The following REEP1 variants were observed in gnomAD, a reference collection of about 807,000 sequenced individuals.
REEP1 encodes receptor accessory protein 1.
Under a neutral mutation model 40.3 loss-of-function variants are expected in REEP1, and 22 were observed. The ratio of observed to expected loss-of-function variants is 0.55; its 90% confidence interval spans 0.39 to 0.78. REEP1 has a LOEUF of 0.78. Ranked by LOEUF, REEP1 falls within the 30% of genes least tolerant of loss-of-function variation. REEP1 has a pLI of 0.00. For synonymous variants in REEP1, 116 were observed against 139.2 expected (o/e 0.83, Z 1.17); for missense variants, 280 against 361.1 (o/e 0.78, Z 1.82).
chr2:86,248,376 C>A (rs1676083860), intron 5 of REEP1, among the ~76,000 whole-genome samples: 1 of 152,134 alleles, frequency 6.6e-6, no homozygotes, highest in Non-Finnish European at 1.5e-5. Flanking sequence ...CAGGAGTCAC[C>A]TGATCATAAA....
Position 86,266,672 on chromosome 2 carries a change from T to C in REEP1, c.106-2631A>G, listed in dbSNP as rs1020805681. 9.9e-3 allele frequency among the ~76,000 whole-genome samples: 1,491 copies of C among 149,940 alleles called. 17 individuals are homozygous for C. The highest frequency in any genetic ancestry group is 0.033 in the African/African-American group (1,348 of 41,084). On this transcript the variant is annotated intron_variant, in intron 2 of 8. Coordinates refer to ENST00000538924, the MANE Select transcript of REEP1 (RefSeq NM_001371279.1). ...AAATAAAAAAAATAAAATAAATAAATAAATAAATAAAGATATACTACCAAA... is the reference window on the plus strand; with the variant it reads ...AAATAAAAAAAATAAAATAAATAAACAAATAAATAAAGATATACTACCAAA...
intron 1 of REEP1, among the ~76,000 whole-genome samples, chr2:86,316,223 G>A (rs1679999820): frequency 6.6e-6 from 1 of 152,080 alleles, no homozygotes; most frequent in Non-Finnish European, 1.5e-5. Flanking sequence ...AATTTTAACT[G>A]ATATACCTGC....
At chr2:86,220,150 T>G (rs7583021) in intron 7 of REEP1, 29 bp from the exon 8 acceptor site, 1,120,637 of 1,228,286 alleles carry the variant, frequency 0.91, 511,948 homozygotes, top group East Asian at 0.99. Context: ...TCTACACAGA[T>G]GAGACAAGGT....
chr2:86,237,890 T>A (rs1675446309), intron 5 of REEP1, among the ~76,000 whole-genome samples: 1 of 152,020 alleles, frequency 6.6e-6, no homozygotes, highest in Non-Finnish European at 1.5e-5. Context: ...TAAGAAGAAA[T>A]AAACATTCTG....
intron 1 of REEP1, among the ~76,000 whole-genome samples, chr2:86,292,528 A>G (rs1316432872): frequency 6.6e-6 from 1 of 152,074 alleles, no homozygotes; most frequent in Non-Finnish European, 1.5e-5. Flanking sequence ...TTCACTTACA[A>G]TGACTGTCCT....
chr2:86,323,483 C>G (rs1680360742), intron 1 of REEP1, among the ~76,000 whole-genome samples: 1 of 152,162 alleles, frequency 6.6e-6, no homozygotes. Context: ...CGCCTCCTGT[C>G]AGATCAGCAG....
At chr2:86,250,518 T>C (rs1165009952) in intron 5 of REEP1, among the ~76,000 whole-genome samples, 2 of 152,204 alleles carry the variant, frequency 1.3e-5, no homozygotes, top group South Asian at 2.1e-4. Context: ...TAAATCCTGA[T>C]TGATCTTGGG....
In REEP1 at chr2:86,297,373, C is replaced by T. The variant is rs575540305; in HGVS notation, c.33-15131G>A. 2.6e-5 allele frequency among the ~76,000 whole-genome samples: 4 copies of T among 152,340 alleles called. No individual in the cohort carries two copies. The South Asian group carries it at 8.3e-4, about 32-fold the overall frequency. On this transcript the variant is annotated intron_variant, in intron 1 of 8. Transcript: ENST00000538924. Reference sequence around the variant, plus strand: ...TTATCTCCTCTGCAAAATGTGGTGTCAAATGGGATAATATACGTTATGATA... The same window carrying T: ...TTATCTCCTCTGCAAAATGTGGTGTTAAATGGGATAATATACGTTATGATA...
At chr2:86,305,658 G>A (rs1679447773) in intron 1 of REEP1, among the ~76,000 whole-genome samples, 1 of 152,136 alleles carries the variant, frequency 6.6e-6, no homozygotes, top group African/African-American at 2.4e-5. Context: ...GTCCCCCACT[G>A]AAGACCCCTG....
intron 3 of REEP1, among the ~76,000 whole-genome samples, chr2:86,259,613 C>G (rs1676750715): frequency 1.3e-5 from 2 of 152,024 alleles, no homozygotes; most frequent in Admixed American, 6.5e-5. Context: ...GTCTCGAACT[C>G]CTGGCCTCAA....
intron 4 of REEP1, among the ~76,000 whole-genome samples, 161 bp downstream of exon 4, chr2:86,254,533 C>T (rs998948029): frequency 3.9e-5 from 6 of 152,074 alleles, no homozygotes; most frequent in Admixed American, 2.0e-4. Context: ...TTTCTAAACA[C>T]GTCTCAGAAA....
chr2:86,269,828 T>C (rs1252365525), intron 2 of REEP1, among the ~76,000 whole-genome samples: 2 of 151,712 alleles, frequency 1.3e-5, no homozygotes, highest in East Asian at 3.9e-4. Context: ...ATAAAGCACT[T>C]ATATTTAAAA....
At chr2:86,251,820 A>T in intron 5 of REEP1, 137 bp downstream of exon 5, 1 of 755,466 alleles carries the variant, frequency 1.3e-6, no homozygotes, top group Admixed American at 1.8e-5. Context: ...TTTTTCCATC[A>T]GATTTTCAAA....
intron 5 of REEP1, among the ~76,000 whole-genome samples, chr2:86,247,963 G>A (rs1676062338): frequency 6.6e-6 from 1 of 152,138 alleles, no homozygotes; most frequent in South Asian, 2.1e-4. Flanking sequence ...AATTTTATTA[G>A]AGAAAGGACA....
intron 1 of REEP1, among the ~76,000 whole-genome samples, chr2:86,298,877 T>A (rs1360648092): frequency 6.6e-6 from 1 of 152,076 alleles, no homozygotes; most frequent in Non-Finnish European, 1.5e-5. Context: ...CAAGGCAGAG[T>A]GCTGACCGAG....
chr2:86,270,302 T>G (rs1677370389), intron 2 of REEP1, among the ~76,000 whole-genome samples: 1 of 152,204 alleles, frequency 6.6e-6, no homozygotes, highest in African/African-American at 2.4e-5. Flanking sequence ...GCTCAAGTGA[T>G]TCTCCTGCCT....
At chr2:86,260,230 A>G (rs1308671137) in intron 3 of REEP1, among the ~76,000 whole-genome samples, 1 of 152,228 alleles carries the variant, frequency 6.6e-6, no homozygotes, top group Non-Finnish European at 1.5e-5. Flanking sequence ...TAAAGCAGGC[A>G]GAAAGGTTCC....
chr2:86,226,440 G>A (rs12622715), intron 7 of REEP1, among the ~76,000 whole-genome samples: 1 of 67,294 alleles, frequency 1.5e-5, no homozygotes, highest in Admixed American at 1.4e-4. Flanking sequence ...GCACAAGGAA[G>A]TATGACCCTG....
chr2:86,319,653 C>T (rs1277698636), intron 1 of REEP1, among the ~76,000 whole-genome samples: 4 of 151,984 alleles, frequency 2.6e-5, no homozygotes, highest in African/African-American at 7.3e-5. Context: ...CAAGGTTCTG[C>T]CACTGCACTC....
Sources: allele counts gnomAD v4.1 joint callset (sites outside exome capture counted in the v4.1 genomes callset), GRCh38; gene constraint gnomAD v4.1.1; transcripts MANE v1.5; gene names NCBI Gene and HGNC (gene_info 2026-07-23, HGNC 2026-07-21).